CACNB2: variants seen among roughly 807,000 people sequenced by gnomAD.
CACNB2 encodes calcium voltage-gated channel auxiliary subunit beta 2, also known as voltage-dependent L-type calcium channel subunit beta-2.
A neutral mutation model predicts 73.3 loss-of-function variants in CACNB2; 42 were observed. The observed-to-expected ratio is 0.57, with a 90% CI of 0.45 to 0.74. The LOEUF is 0.74. Ranked by LOEUF, CACNB2 falls within the 30% of genes least tolerant of loss-of-function variation. CACNB2 has a pLI of 0.00. For synonymous variants in CACNB2, 348 were observed against 310.3 expected (o/e 1.12, Z -1.28); for missense variants, 940 against 853.0 (o/e 1.10, Z -1.27).
chr10:18,292,917 A>G (rs2039126103), intron 2 of CACNB2, among the ~76,000 whole-genome samples: 1 of 152,212 alleles, frequency 6.6e-6, no homozygotes, highest in Non-Finnish European at 1.5e-5. Flanking sequence ...CATACTCATC[A>G]TAGAATTTAT....
At chr10:18,228,453 A>T (rs1257880159) in intron 2 of CACNB2, among the ~76,000 whole-genome samples, 17 of 150,554 alleles carry the variant, frequency 1.1e-4, no homozygotes, top group African/African-American at 4.1e-4. Context: ...AAAAAAAGAA[A>T]AAAAAAAAGA....
At chr10:18,395,083 A>G (rs1363830611) in intron 2 of CACNB2, among the ~76,000 whole-genome samples, 2 of 152,228 alleles carry the variant, frequency 1.3e-5, no homozygotes, top group African/African-American at 2.4e-5. Flanking sequence ...GCCTGAGTAT[A>G]TATCACATGC....
rs1159105456 is a variant in CACNB2 at position 18,541,680 on chromosome 10, G to GA, written c.*1956_*1957insA. 1.3e-5 allele frequency: 2 copies of GA among 152,062 alleles called. No individual in the cohort carries two copies. Among genetic ancestry groups the GA allele is most frequent in the Non-Finnish European group, 2.9e-5 (2 of 68,044 alleles). 9.4% of individuals were successfully genotyped at this position (152,062 alleles called of 1,614,324 possible). ...GTTCAAGACCAGCCTGGCCAACGTG[G>GA]CGAAACCCCGTCTCTACTAAAAAGA... On this transcript the variant is annotated 3_prime_UTR_variant, in exon 14 of 14. Transcript: ENST00000324631.
chr10:18,307,414 A>T (rs889494480), intron 2 of CACNB2, among the ~76,000 whole-genome samples: 1 of 152,220 alleles, frequency 6.6e-6, no homozygotes, highest in Admixed American at 6.5e-5. Context: ...GCGAGCCGAG[A>T]TTGCACCACT....
rs561986125 is a variant in CACNB2 at position 18,321,540 on chromosome 10, G to T, written c.214-80384G>T. ...TTTAAATCACTTGAAGAGTATAAATGGACTGTTTGTAACTCACAGGACAAA... is the reference window on the plus strand; with the variant it reads ...TTTAAATCACTTGAAGAGTATAAATTGACTGTTTGTAACTCACAGGACAAA... On this transcript the variant is annotated intron_variant, in intron 2 of 13. Coordinates refer to ENST00000324631, the MANE Select transcript of CACNB2 (RefSeq NM_201596.3). Among the ~76,000 whole-genome samples, 12 of 152,224 alleles carry T rather than the reference G, an allele frequency of 7.9e-5. No homozygotes were observed. In the East Asian group the frequency reaches 2.3e-3, roughly 29 times the overall value.
chr10:18,258,300 C>G (rs1384056469), intron 2 of CACNB2, among the ~76,000 whole-genome samples: 1 of 152,088 alleles, frequency 6.6e-6, no homozygotes, highest in Admixed American at 6.5e-5. Context: ...AATTCCAAAT[C>G]AAATTCAGAA....
chr10:18,516,726 C>A (rs1252330307), intron 7 of CACNB2, among the ~76,000 whole-genome samples: 1 of 151,852 alleles, frequency 6.6e-6, no homozygotes. Context: ...GCCTGAGATT[C>A]AATGAGAAGA....
At chr10:18,336,362 G>A in intron 2 of CACNB2, among the ~76,000 whole-genome samples, 1 of 152,190 alleles carries the variant, frequency 6.6e-6, no homozygotes, top group Non-Finnish European at 1.5e-5. Context: ...AGCTGATGCT[G>A]TAATCCCACA....
chr10:18,519,909 G>T (rs2133173004), intron 9 of CACNB2: 1 of 355,804 alleles, frequency 2.8e-6, no homozygotes. Context: ...TGACATGGTG[G>T]ATTATTCCAT....
chr10:18,242,609 A>G (rs2036698842), intron 2 of CACNB2, among the ~76,000 whole-genome samples: 1 of 152,180 alleles, frequency 6.6e-6, no homozygotes, highest in Non-Finnish European at 1.5e-5. Context: ...ACAAATTGGT[A>G]AGGCTGCAGC....
rs1273828218 is a variant in CACNB2 at position 18,489,262 on chromosome 10, TG to T, written c.334-9092del. Among the ~76,000 whole-genome samples, 3 of 151,876 alleles carry T rather than the reference TG, an allele frequency of 2.0e-5. No individual in the cohort carries two copies. In the East Asian group the frequency reaches 5.8e-4, roughly 29 times the overall value. ...AAAATTAACTGGACATGGTGGTGGG[TG>T]CCTATAATCCCAGCTACTCAGTGGG... On this transcript the variant is annotated intron_variant, in intron 3 of 13. Coordinates refer to ENST00000324631, the MANE Select transcript of CACNB2 (RefSeq NM_201596.3).
intron 2 of CACNB2, among the ~76,000 whole-genome samples, chr10:18,154,152 A>T (rs924809530): frequency 1.3e-5 from 2 of 152,064 alleles, no homozygotes; most frequent in Non-Finnish European, 2.9e-5. Flanking sequence ...TAAACAGTAT[A>T]TGATTTGAAA....
At chr10:18,465,486 C>T (rs910637641) in intron 3 of CACNB2, among the ~76,000 whole-genome samples, 7 of 152,052 alleles carry the variant, frequency 4.6e-5, no homozygotes, top group South Asian at 2.1e-4. Flanking sequence ...TGCTTCTTGC[C>T]GCAGGTTGAG....
At chr10:18,259,803 G>A (rs556564901) in intron 2 of CACNB2, among the ~76,000 whole-genome samples, 1 of 151,896 alleles carries the variant, frequency 6.6e-6, no homozygotes, top group Admixed American at 6.6e-5. Context: ...CTTGGGAGTC[G>A]GAGGTGGGAG....
intron 2 of CACNB2, among the ~76,000 whole-genome samples, chr10:18,385,685 G>T (rs866989120): frequency 1.3e-5 from 2 of 151,338 alleles, no homozygotes; most frequent in Admixed American, 6.6e-5. Flanking sequence ...CAGCAAAACG[G>T]TGTATTTCTA....
chr10:18,163,368 GTGTT>G (rs2032613225), intron 2 of CACNB2, among the ~76,000 whole-genome samples: 1 of 152,096 alleles, frequency 6.6e-6, no homozygotes, highest in African/African-American at 2.4e-5. Context: ...GAATGTTTAC[GTGTT>G]TGTTGGGCAA....
At chr10:18,146,538 C>T (rs57511896) in intron 1 of CACNB2, among the ~76,000 whole-genome samples, 2,471 of 151,392 alleles carry the variant, frequency 0.016, 69 homozygotes, top group African/African-American at 0.056. Context: ...AGTGCAGTGG[C>T]GTGATCTCGG....
intron 2 of CACNB2, among the ~76,000 whole-genome samples, chr10:18,276,821 C>T (rs1713440249): frequency 6.6e-6 from 1 of 151,948 alleles, no homozygotes; most frequent in African/African-American, 2.4e-5. Flanking sequence ...TCAGACAGTC[C>T]ACCCACTTCA....
chr10:18,330,841 G>A (rs929980601), intron 2 of CACNB2, among the ~76,000 whole-genome samples: 1 of 151,456 alleles, frequency 6.6e-6, no homozygotes, highest in Non-Finnish European at 1.5e-5. Flanking sequence ...GCTGATTTTT[G>A]TATTTTTAGT....
Sources: gnomAD v4.1 joint callset for allele counts (sites outside exome capture counted in the v4.1 genomes callset) on GRCh38, gnomAD v4.1.1 for gene constraint, MANE v1.5 for transcripts, NCBI Gene and HGNC (gene_info 2026-07-23, HGNC 2026-07-21) for gene names.